GABBR2: variants seen among roughly 807,000 people sequenced by gnomAD.
GABBR2 encodes gamma-aminobutyric acid type B receptor subunit 2, also known as G-protein coupled receptor 51.
A neutral mutation model predicts 105.6 loss-of-function variants in GABBR2; 23 were observed. The ratio of observed to expected loss-of-function variants is 0.22; its 90% CI spans 0.16 to 0.31. GABBR2 has a LOEUF of 0.31. GABBR2 is among the 10% of genes least tolerant of loss of function. The pLI is 1.00. For synonymous variants in GABBR2, 478 were observed against 499.7 expected, an observed-to-expected ratio of 0.96 and a Z score of 0.58; for missense variants, 734 against 1,245.5, an observed-to-expected ratio of 0.59 and a Z score of 6.18.
intron 2 of GABBR2, among the ~76,000 whole-genome samples, chr9:98,574,362 C>T (rs1318395446): frequency 6.6e-6 from 1 of 152,208 alleles, no homozygotes; most frequent in African/African-American, 2.4e-5. Context: ...CTTTTCGTGA[C>T]TCACTTTGGG....
At chr9:98,460,139 C>T (rs1826397258) in intron 6 of GABBR2, among the ~76,000 whole-genome samples, 1 of 152,200 alleles carries the variant, frequency 6.6e-6, no homozygotes, top group Non-Finnish European at 1.5e-5. Context: ...GGAATGGTGG[C>T]TCACGCCTGT....
chr9:98,598,312 A>G (rs962384796), intron 1 of GABBR2, among the ~76,000 whole-genome samples: 3 of 152,204 alleles, frequency 2.0e-5, no homozygotes, highest in Admixed American at 6.5e-5. Context: ...CAGGAAGTGC[A>G]TCACCTACTC....
At chr9:98,482,053 C>A (rs1179148386) in intron 4 of GABBR2, among the ~76,000 whole-genome samples, 1 of 152,162 alleles carries the variant, frequency 6.6e-6, no homozygotes, top group Non-Finnish European at 1.5e-5. Flanking sequence ...AGGCCCTGGC[C>A]CAAACACCTG....
intron 1 of GABBR2, among the ~76,000 whole-genome samples, chr9:98,650,332 T>G (rs1419808675): frequency 1.3e-5 from 2 of 152,220 alleles, no homozygotes. Context: ...TCAGTTTCCC[T>G]GTCTTTAAAA....
chr9:98,694,107 C>T (rs76329410), intron 1 of GABBR2, among the ~76,000 whole-genome samples: 14,668 of 152,266 alleles, frequency 0.096, 784 homozygotes, highest in Non-Finnish European at 0.11. Flanking sequence ...AAAATGAAAA[C>T]GCCCAGCACA....
intron 2 of GABBR2, among the ~76,000 whole-genome samples, chr9:98,553,878 G>T (rs938862031): frequency 1.3e-5 from 2 of 152,196 alleles, no homozygotes; most frequent in Non-Finnish European, 2.9e-5. Context: ...TGCTCATTCT[G>T]CAGAGTGCTA....
At chr9:98,535,607 T>C (rs1452904986) in intron 3 of GABBR2, among the ~76,000 whole-genome samples, 1 of 152,090 alleles carries the variant, frequency 6.6e-6, no homozygotes, top group East Asian at 1.9e-4. Flanking sequence ...TTTATATCAG[T>C]GACTTGAGGA....
chr9:98,525,320 C>T (rs1477385418), intron 3 of GABBR2, among the ~76,000 whole-genome samples: 2 of 152,098 alleles, frequency 1.3e-5, no homozygotes, highest in Non-Finnish European at 2.9e-5. Flanking sequence ...AAAAGACAAA[C>T]AACCCAATTA....
At chr9:98,324,077 C>G (rs541297535) in intron 13 of GABBR2, among the ~76,000 whole-genome samples, 3 of 152,160 alleles carry the variant, frequency 2.0e-5, no homozygotes, top group Non-Finnish European at 4.4e-5. Flanking sequence ...GGAACTTACC[C>G]AAGCTCACAC....
chr9:98,429,124 GT>G (rs1825754467), intron 7 of GABBR2, among the ~76,000 whole-genome samples: 1 of 135,754 alleles, frequency 7.4e-6, no homozygotes, highest in African/African-American at 3.1e-5. Context: ...GGTTTTTGGT[GT>G]GTGTGTGTGT....
intron 12 of GABBR2, among the ~76,000 whole-genome samples, chr9:98,365,012 T>G (rs889456217): frequency 2.6e-5 from 4 of 152,220 alleles, no homozygotes; most frequent in Non-Finnish European, 5.9e-5. Context: ...GCTCTCATTC[T>G]GCATTTCTCA....
intron 1 of GABBR2, among the ~76,000 whole-genome samples, chr9:98,618,518 CTCTG>C (rs935724469): frequency 1.4e-5 from 2 of 146,138 alleles, no homozygotes; most frequent in African/African-American, 5.0e-5. Flanking sequence ...CTCTCTCTCT[CTCTG>C]TCTCTCTGAC....
At chr9:98,663,870 G>C (rs974586959) in intron 1 of GABBR2, among the ~76,000 whole-genome samples, 9 of 152,180 alleles carry the variant, frequency 5.9e-5, no homozygotes, top group African/African-American at 4.8e-5. Flanking sequence ...ACTGGGGAAA[G>C]AGAAATACCC....
At chr9:98,295,715 A>G (rs111511265) in intron 17 of GABBR2, among the ~76,000 whole-genome samples, 2,818 of 152,248 alleles carry the variant, frequency 0.019, 90 homozygotes, top group African/African-American at 0.064. Context: ...CAGTGGAGAC[A>G]GGGTTTCACC....
rs367642589 is a variant in GABBR2 at position 98,684,007 on chromosome 9, C to CAAAA, written c.321+24406_321+24409dup. 7.7e-4 allele frequency among the ~76,000 whole-genome samples: 82 copies of CAAAA among 105,908 alleles called. 1 individual carries two copies. Among genetic ancestry groups the CAAAA allele is most frequent in the African/African-American group, 1.7e-3 (47 of 26,894 alleles). 69.5% of individuals were successfully genotyped at this position (105,908 alleles called of 152,430 possible). A position where few individuals can be genotyped will look rare whatever the true frequency, so the allele number is the denominator to read the frequency against. On this transcript the variant is annotated intron_variant, in intron 1 of 18. Coordinates refer to ENST00000259455, the MANE Select transcript of GABBR2 (RefSeq NM_005458.8). ...TGGGCGACAGAGCGAGACTCCATCT[C>CAAAA]AAAAAAAAAAAAAAAAAAAAAAAAA...
At chr9:98,636,711 C>T (rs986242770) in intron 1 of GABBR2, among the ~76,000 whole-genome samples, 4 of 151,930 alleles carry the variant, frequency 2.6e-5, no homozygotes, top group Admixed American at 2.0e-4. Flanking sequence ...CCAGGCTGGT[C>T]TTGAACTCCT....
At chr9:98,408,985 A>C (rs546271748) in intron 7 of GABBR2, among the ~76,000 whole-genome samples, 9 of 152,164 alleles carry the variant, frequency 5.9e-5, no homozygotes, top group African/African-American at 1.9e-4. Flanking sequence ...GTTAGGGAAG[A>C]CTCCGCTCAA....
chr9:98,595,359 T>C (rs117279565), intron 1 of GABBR2, among the ~76,000 whole-genome samples: 4,658 of 151,770 alleles, frequency 0.031, 86 homozygotes, highest in East Asian at 0.056. Flanking sequence ...GGCTAGGATT[T>C]CAACATATGA....
chr9:98,501,254 T>C (rs1408176154), intron 3 of GABBR2, among the ~76,000 whole-genome samples: 1 of 150,518 alleles, frequency 6.6e-6, no homozygotes, highest in Admixed American at 6.7e-5. Flanking sequence ...AATCTCCGCC[T>C]CTCAGCTTCA....
Sources: gnomAD v4.1 joint callset for allele counts (sites outside exome capture counted in the v4.1 genomes callset) on GRCh38, gnomAD v4.1.1 for gene constraint, MANE v1.5 for transcripts, NCBI Gene and HGNC (gene_info 2026-07-23, HGNC 2026-07-21) for gene names.